ARHGEF26: variants seen among roughly 807,000 people sequenced by gnomAD.
The protein encoded by ARHGEF26 is Rho guanine nucleotide exchange factor (GEF) 26.
In ARHGEF26, 59 loss-of-function variants were observed where a neutral mutation model predicts 89.4. The observed-to-expected ratio is 0.66, with a 90% CI of 0.54 to 0.82. The LOEUF (loss-of-function observed/expected upper bound fraction) is 0.82. Ranked by LOEUF, ARHGEF26 falls within the 40% of genes least tolerant of loss-of-function variation. The pLI, the probability that ARHGEF26 is intolerant of heterozygous loss-of-function variation, is 0.00. For synonymous variants in ARHGEF26, 500 were observed against 428.4 expected, an observed-to-expected ratio of 1.17 and a Z score of -2.06; for missense variants, 1,234 against 1,085.6, an observed-to-expected ratio of 1.14 and a Z score of -1.92.
intron 4 of ARHGEF26, among the ~76,000 whole-genome samples, chr3:154,137,080 A>AT (rs1044187086): frequency 6.6e-6 from 1 of 152,130 alleles, no homozygotes; most frequent in Admixed American, 6.5e-5. Flanking sequence ...TGGTTTGGAT[A>AT]TTTTTCCCCT....
intron 6 of ARHGEF26, among the ~76,000 whole-genome samples, chr3:154,163,829 G>A (rs563326550): frequency 3.2e-4 from 48 of 152,248 alleles, no homozygotes; most frequent in South Asian, 3.1e-3. Flanking sequence ...TGGCATTGCA[G>A]TATTCTCTAG....
chr3:154,174,681 T>C (rs1249369179), intron 6 of ARHGEF26, among the ~76,000 whole-genome samples: 2 of 152,240 alleles, frequency 1.3e-5, no homozygotes, highest in African/African-American at 4.8e-5. Context: ...AGTTAAATAA[T>C]ATGCCTTTGT....
intron 14 of ARHGEF26, 26 bp from the exon 15 acceptor site, chr3:154,255,305 G>A (rs1287026801): frequency 1.2e-6 from 2 of 1,604,562 alleles, no homozygotes; most frequent in Non-Finnish European, 1.7e-6. Flanking sequence ...CTTGTTGTTT[G>A]GTGTGGACTC....
chr3:154,134,952 T>A (rs891452636), intron 4 of ARHGEF26, among the ~76,000 whole-genome samples: 1 of 152,188 alleles, frequency 6.6e-6, no homozygotes, highest in Non-Finnish European at 1.5e-5. Context: ...GTGGATAAGC[T>A]TTTTGATGTG....
At chr3:154,156,201 T>C (rs115501856) in intron 6 of ARHGEF26, among the ~76,000 whole-genome samples, 1,747 of 151,636 alleles carry the variant, frequency 0.012, 37 homozygotes, top group African/African-American at 0.04. Context: ...ACAGGGGAGG[T>C]CACTGGATAT....
intron 6 of ARHGEF26, among the ~76,000 whole-genome samples, chr3:154,169,366 G>T (rs964993775): frequency 1.3e-5 from 2 of 151,708 alleles, no homozygotes; most frequent in African/African-American, 4.8e-5. Context: ...CATGCAAGCA[G>T]AGCAGCAAAA....
intron 11 of ARHGEF26, among the ~76,000 whole-genome samples, chr3:154,235,748 C>A (rs968607922): frequency 1.3e-5 from 2 of 152,064 alleles, no homozygotes; most frequent in African/African-American, 4.8e-5. Flanking sequence ...CAGATCCCTC[C>A]TTTTTAAACA....
chr3:154,221,616 G>A (rs545463223), intron 10 of ARHGEF26, among the ~76,000 whole-genome samples: 1 of 152,122 alleles, frequency 6.6e-6, no homozygotes, highest in African/African-American at 2.4e-5. Flanking sequence ...TATAGTATAC[G>A]CAAATAATGT....
rs1715880091 is a variant in ARHGEF26 at position 154,217,933 on chromosome 3, A to G, written c.1910A>G (p.Asn637Ser). The change falls in exon 10 of 15, where the codon AAC (asparagine) becomes AGC (serine). Residue 637 changes from asparagine to serine, a missense_variant. By Grantham distance (46) the Asn-to-Ser change is conservative (BLOSUM62 1). Transcript: ENST00000465093. ...AGGACTGAGATGATGTACACAATTA[A>G]CTCCCAGCTGGAATTTAAAATTAAG... ...MERTEMMYTI[N>S]SQLEFKIKPF... is the part of the protein sequence containing the mutation. 3 of 1,596,682 alleles carry G rather than the reference A, an allele frequency of 1.9e-6. No individual in the cohort carries two copies. The African/African-American group carries it at 4.0e-5, about 21-fold the overall frequency.
At chr3:154,199,184 T>C (rs1165519714) in intron 9 of ARHGEF26, among the ~76,000 whole-genome samples, 1 of 151,902 alleles carries the variant, frequency 6.6e-6, no homozygotes, top group African/African-American at 2.4e-5. Context: ...TTTATACCCA[T>C]TAACCATCCC....
At chr3:154,175,376 C>T (rs1712744726) in intron 6 of ARHGEF26, among the ~76,000 whole-genome samples, 1 of 151,950 alleles carries the variant, frequency 6.6e-6, no homozygotes, top group South Asian at 2.1e-4. Context: ...CATTAACTTT[C>T]CAAGGAAATG....
intron 9 of ARHGEF26, among the ~76,000 whole-genome samples, chr3:154,213,905 G>A (rs1001562227): frequency 6.6e-6 from 1 of 152,106 alleles, no homozygotes; most frequent in Non-Finnish European, 1.5e-5. Context: ...GTGCTATATT[G>A]GGCTCTGGGC....
intron 6 of ARHGEF26, among the ~76,000 whole-genome samples, chr3:154,170,529 AAG>A (rs1712364371): frequency 6.6e-6 from 1 of 152,212 alleles, no homozygotes; most frequent in African/African-American, 2.4e-5. Flanking sequence ...CATGGTGACT[AAG>A]AGTGTCATCA....
chr3:154,186,453 A>G (rs544837685), intron 6 of ARHGEF26, among the ~76,000 whole-genome samples: 4 of 152,198 alleles, frequency 2.6e-5, no homozygotes, highest in East Asian at 3.9e-4. Context: ...ATTGCTATCT[A>G]TTTATACACT....
At chr3:154,251,410 A>G (rs1718137522) in intron 12 of ARHGEF26, among the ~76,000 whole-genome samples, 1 of 152,264 alleles carries the variant, frequency 6.6e-6, no homozygotes, top group African/African-American at 2.4e-5. Flanking sequence ...GAAGCAGATG[A>G]GTCAGTAAAT....
In ARHGEF26 at chr3:154,217,941, C is replaced by G; in HGVS notation, c.1918C>G (p.Leu640Val). The G allele has an allele frequency of 6.3e-7, 1 of 1,592,644 alleles. No homozygotes were observed. The highest frequency in any genetic ancestry group is 8.6e-7 in the Non-Finnish European group (1 of 1,168,806). The change falls in exon 10 of 15, where the codon CTG (leucine) becomes GTG (valine). Residue 640 changes from leucine to valine, a missense_variant. Physicochemically the swap from Leu to Val is conservative, Grantham distance 32. Coordinates refer to ENST00000465093, the MANE Select transcript of ARHGEF26 (RefSeq NM_015595.4). Reference protein sequence around the residue: ...TEMMYTINSQLEFKIKPFPLV... With the variant: ...TEMMYTINSQVEFKIKPFPLV... ...GATGATGTACACAATTAACTCCCAG[C>G]TGGAATTTAAAATTAAGGTATTCTC...
chr3:154,253,839 A>T (rs1559931187), intron 13 of ARHGEF26, among the ~76,000 whole-genome samples: 1 of 152,216 alleles, frequency 6.6e-6, no homozygotes, highest in Non-Finnish European at 1.5e-5. Context: ...CTCAAAAATT[A>T]TAGCTTTAAG....
chr3:154,237,928 A>T (rs760488402), intron 11 of ARHGEF26, among the ~76,000 whole-genome samples: 1 of 152,228 alleles, frequency 6.6e-6, no homozygotes, highest in Non-Finnish European at 1.5e-5. Context: ...AGGGGCAGAG[A>T]GAAAATAGTA....
At chr3:154,222,970 C>A (rs938578357) in intron 10 of ARHGEF26, among the ~76,000 whole-genome samples, 1 of 152,138 alleles carries the variant, frequency 6.6e-6, no homozygotes, top group Admixed American at 6.5e-5. Context: ...GGTCACTAAA[C>A]CAAGAAGATC....
Sources: allele counts gnomAD v4.1 joint callset (sites outside exome capture counted in the v4.1 genomes callset), GRCh38; gene constraint gnomAD v4.1.1; transcripts MANE v1.5; gene names NCBI Gene and HGNC (gene_info 2026-07-23, HGNC 2026-07-21).